The following CTNNA2 variants were observed in gnomAD, a reference collection of about 807,000 sequenced individuals.
The protein encoded by CTNNA2 is catenin alpha-2.
Under a neutral mutation model 101.0 loss-of-function variants are expected in CTNNA2, and 42 were observed. The observed-to-expected ratio is 0.42, with a 90% CI of 0.32 to 0.54. The LOEUF is 0.54. Among genes scored for constraint, CTNNA2 ranks in the 20% least tolerant of loss-of-function variants. CTNNA2 has a pLI of 0.14. For missense variants in CTNNA2, 871 were observed against 1,223.1 expected (o/e 0.71, Z 4.29); for synonymous variants, 450 against 456.4 (o/e 0.99, Z 0.18).
At chr2:79,311,408 C>CAAAAAAAAAAAAAAA (rs753633073) in intron 2 of CTNNA2, among the ~76,000 whole-genome samples, 17 of 67,036 alleles carry the variant, frequency 2.5e-4, no homozygotes, top group African/African-American at 4.3e-4. Flanking sequence ...GACTCCGTCT[C>CAAAAAAAAAAAAAAA]AAAAAAAAAA....
chr2:79,327,547 G>A (rs1044039823), intron 3 of CTNNA2, among the ~76,000 whole-genome samples: 3 of 152,114 alleles, frequency 2.0e-5, no homozygotes, highest in African/African-American at 7.2e-5. Context: ...AGCTCAGCTG[G>A]TTTCAACTTT....
At chr2:79,736,039 A>G (rs2104944659) in intron 2 of CTNNA2, among the ~76,000 whole-genome samples, 1 of 152,312 alleles carries the variant, frequency 6.6e-6, no homozygotes, top group Non-Finnish European at 1.5e-5. Flanking sequence ...TGATCCTTTC[A>G]ACAAGAGATC....
chr2:80,411,026 C>T (rs1037939172), intron 8 of CTNNA2, among the ~76,000 whole-genome samples: 2 of 152,200 alleles, frequency 1.3e-5, no homozygotes, highest in Non-Finnish European at 2.9e-5. Flanking sequence ...CACCACCTGG[C>T]TTATGGATTT....
intron 16 of CTNNA2, among the ~76,000 whole-genome samples, chr2:80,606,414 C>CACA (rs1558638318): frequency 0.03 from 1,547 of 51,536 alleles, 25 homozygotes; most frequent in African/African-American, 0.1. Flanking sequence ...ACACACACAC[C>CACA]CCCCAGGATA....
chr2:79,550,093 AG>A, intron 1 of CTNNA2, among the ~76,000 whole-genome samples: 1 of 150,910 alleles, frequency 6.6e-6, no homozygotes, highest in South Asian at 2.1e-4. Flanking sequence ...GAGGTGAGGG[AG>A]GGGGCACAAT....
chr2:80,042,635 A>G (rs773433467), intron 7 of CTNNA2, among the ~76,000 whole-genome samples: 17 of 152,282 alleles, frequency 1.1e-4, no homozygotes, highest in South Asian at 2.1e-4. Context: ...AAAATGGACC[A>G]TGGCCGATTC....
intron 7 of CTNNA2, among the ~76,000 whole-genome samples, chr2:80,211,667 T>C (rs888687062): frequency 2.0e-5 from 3 of 152,212 alleles, no homozygotes; most frequent in Non-Finnish European, 4.4e-5. Flanking sequence ...TCTAGCTTTG[T>C]TCTTTTGGCT....
At chr2:79,228,993 C>T (rs1674456362) in intron 2 of CTNNA2, among the ~76,000 whole-genome samples, 1 of 152,056 alleles carries the variant, frequency 6.6e-6, no homozygotes, top group African/African-American at 2.4e-5. Flanking sequence ...GTTATCTTAG[C>T]ACCATTTATG....
intron 7 of CTNNA2, among the ~76,000 whole-genome samples, chr2:80,145,477 A>G (rs1052853702): frequency 2.6e-5 from 4 of 152,160 alleles, no homozygotes; most frequent in African/African-American, 9.6e-5. Context: ...TTGCAGTACC[A>G]TGCTGCCTCC....
chr2:80,224,647 T>C (rs1558919361), intron 7 of CTNNA2, among the ~76,000 whole-genome samples: 1 of 152,020 alleles, frequency 6.6e-6, no homozygotes, highest in Non-Finnish European at 1.5e-5. Flanking sequence ...GGTTTCACCA[T>C]GTTAGCCAGG....
chr2:80,228,374 T>C (rs1481157363), intron 7 of CTNNA2, among the ~76,000 whole-genome samples: 2 of 152,112 alleles, frequency 1.3e-5, no homozygotes, highest in Non-Finnish European at 2.9e-5. Flanking sequence ...ACAAGCTCCC[T>C]CAGGCCTCTT....
chr2:79,194,838 G>T (rs1435745649), intron 1 of CTNNA2, among the ~76,000 whole-genome samples: 1 of 152,154 alleles, frequency 6.6e-6, no homozygotes, highest in Non-Finnish European at 1.5e-5. Context: ...AGACACCAGA[G>T]GATTATGTTT....
chr2:80,192,952 G>GGT lies in CTNNA2; in HGVS notation c.1057-200247_1057-200246dup, dbSNP rs3067147. On this transcript the variant is annotated intron_variant, in intron 7 of 18. Transcript: ENST00000402739. ...TGCGTATTTTGGGAGTGTGTATAGT[G>GGT]GTGTGTGTGTGTGAGTGATTGTAAG... Among the ~76,000 whole-genome samples the GGT allele has an allele frequency of 1.5e-3, 228 of 151,382 alleles. 1 individual carries two copies. The highest frequency in any genetic ancestry group is 3.6e-3 in the Admixed American group (55 of 15,230).
chr2:80,112,888 A>AT (rs540654808), intron 7 of CTNNA2, among the ~76,000 whole-genome samples: 69 of 152,218 alleles, frequency 4.5e-4, no homozygotes, highest in Admixed American at 5.9e-4. Context: ...GTTGTTTGGG[A>AT]TTTTCTGCCT....
intron 7 of CTNNA2, among the ~76,000 whole-genome samples, chr2:80,366,492 G>A (rs1006758461): frequency 1.3e-5 from 2 of 152,054 alleles, no homozygotes; most frequent in Non-Finnish European, 2.9e-5. Flanking sequence ...TTTTTTAGGG[G>A]CAAATTCAAG....
chr2:79,965,191 C>T (rs1417124058), intron 7 of CTNNA2, among the ~76,000 whole-genome samples: 1 of 152,248 alleles, frequency 6.6e-6, no homozygotes, highest in Admixed American at 6.5e-5. Flanking sequence ...CGTGGGAGGG[C>T]ACCCGCTAAA....
Position 80,010,038 on chromosome 2 carries a change from AAATGTGATT to A in CTNNA2, c.1056+100252_1056+100260del, listed in dbSNP as rs539041333. On this transcript the variant is annotated intron_variant, in intron 7 of 18. Transcript: ENST00000402739. Reference sequence around the variant, plus strand: ...ACCTCCAATAACTTTTCTTAGAATTAAATGTGATTAATGTGATTATATAAATAAATGTTC... The same window carrying A: ...ACCTCCAATAACTTTTCTTAGAATTAAATGTGATTATATAAATAAATGTTC... Among the ~76,000 whole-genome samples the A allele has an allele frequency of 2.0e-3, 309 of 152,260 alleles. 1 individual carries two copies. The highest frequency in any genetic ancestry group is 7.2e-3 in the African/African-American group (298 of 41,556).
At chr2:79,884,564 A>G (rs1022945246) in intron 6 of CTNNA2, among the ~76,000 whole-genome samples, 1 of 152,292 alleles carries the variant, frequency 6.6e-6, no homozygotes, top group African/African-American at 2.4e-5. Flanking sequence ...TACCACTAAT[A>G]TCTCTTGTAA....
intron 7 of CTNNA2, among the ~76,000 whole-genome samples, chr2:80,141,807 C>A (rs1215740894): frequency 1.3e-5 from 2 of 151,386 alleles, no homozygotes; most frequent in African/African-American, 4.9e-5. Flanking sequence ...AACAGTATCC[C>A]AGAAAGAATC....
Sources: allele counts gnomAD v4.1 joint callset (sites outside exome capture counted in the v4.1 genomes callset), GRCh38; gene constraint gnomAD v4.1.1; transcripts MANE v1.5; gene names NCBI Gene and HGNC (gene_info 2026-07-23, HGNC 2026-07-21).